CCBE1: variants seen among roughly 807,000 people sequenced by gnomAD.
CCBE1 encodes the protein collagen and calcium-binding EGF domain-containing protein 1.
Under a neutral mutation model 50.0 loss-of-function variants are expected in CCBE1, and 37 were observed. That is an observed-to-expected ratio of 0.74 (90% confidence interval 0.57 to 0.97). CCBE1 has a LOEUF of 0.97. Ranked by LOEUF, CCBE1 falls within the 50% of genes least tolerant of loss-of-function variation. The pLI is 0.00. For synonymous variants in CCBE1, 234 were observed against 203.7 expected, an observed-to-expected ratio of 1.15 and a Z score of -1.27; for missense variants, 538 against 523.8, an observed-to-expected ratio of 1.03 and a Z score of -0.26.
At chr18:59,522,443 G>T (rs774578422) in intron 2 of CCBE1, among the ~76,000 whole-genome samples, 2 of 152,172 alleles carry the variant, frequency 1.3e-5, no homozygotes, top group Non-Finnish European at 2.9e-5. Context: ...GTCAGCTATA[G>T]ACACATTTAA....
chr18:59,499,572 A>G (rs1479704486), intron 2 of CCBE1, among the ~76,000 whole-genome samples: 2 of 152,166 alleles, frequency 1.3e-5, no homozygotes, highest in African/African-American at 4.8e-5. Flanking sequence ...TTGTGTAGGG[A>G]AACTCCCCCT....
At chr18:59,655,708 A>C (rs910497607) in intron 2 of CCBE1, among the ~76,000 whole-genome samples, 1 of 152,232 alleles carries the variant, frequency 6.6e-6, no homozygotes, top group African/African-American at 2.4e-5. Flanking sequence ...CCAAGAAAGA[A>C]GACAATTCCA....
chr18:59,651,232 G>C (rs2054123572), intron 2 of CCBE1, among the ~76,000 whole-genome samples: 1 of 152,142 alleles, frequency 6.6e-6, no homozygotes, highest in Non-Finnish European at 1.5e-5. Flanking sequence ...ACTTACTTAG[G>C]AAGTGTTCCT....
chr18:59,551,865 C>T (rs945137475), intron 2 of CCBE1, among the ~76,000 whole-genome samples: 4 of 152,222 alleles, frequency 2.6e-5, no homozygotes, highest in African/African-American at 4.8e-5. Context: ...TCAGTTTCTT[C>T]GTCTGCAATA....
chr18:59,501,741 A>C (rs1241101404), intron 2 of CCBE1, among the ~76,000 whole-genome samples: 1 of 152,240 alleles, frequency 6.6e-6, no homozygotes, highest in Non-Finnish European at 1.5e-5. Context: ...AGAAATGCTC[A>C]TTTAATGAAA....
chr18:59,511,503 T>C (rs1036338411), intron 2 of CCBE1, among the ~76,000 whole-genome samples: 1 of 152,224 alleles, frequency 6.6e-6, no homozygotes, highest in Non-Finnish European at 1.5e-5. Context: ...AGTTATTTTA[T>C]GGATACACAG....
At chr18:59,563,750 G>A (rs2052777152) in intron 2 of CCBE1, 1 of 152,180 alleles carries the variant, frequency 6.6e-6, no homozygotes, top group South Asian at 2.1e-4. Context: ...GGATTTACAA[G>A]TCAGTAAAAC....
chr18:59,472,235 T>C (rs1424245205), intron 3 of CCBE1, among the ~76,000 whole-genome samples: 1 of 152,254 alleles, frequency 6.6e-6, no homozygotes, highest in Non-Finnish European at 1.5e-5. Context: ...AAGTTTTCAC[T>C]GGCCCAGTAT....
chr18:59,445,392 T>C (rs985397597), intron 7 of CCBE1, among the ~76,000 whole-genome samples: 1 of 152,214 alleles, frequency 6.6e-6, no homozygotes, highest in African/African-American at 2.4e-5. Context: ...TACTAAGTGA[T>C]TGCATTGAAG....
intron 2 of CCBE1, among the ~76,000 whole-genome samples, chr18:59,630,831 G>A (rs1389876611): frequency 6.6e-6 from 1 of 152,178 alleles, no homozygotes; most frequent in Non-Finnish European, 1.5e-5. Flanking sequence ...GGATTCAGGT[G>A]CTCACTGGCC....
At chr18:59,680,725 AC>A (rs2054578400) in intron 2 of CCBE1, among the ~76,000 whole-genome samples, 1 of 152,018 alleles carries the variant, frequency 6.6e-6, no homozygotes, top group East Asian at 1.9e-4. Context: ...ACAAAACAAA[AC>A]AAAACAAAAC....
chr18:59,454,968 G>A lies in CCBE1; in HGVS notation c.554-17C>T, dbSNP rs756485563. The A allele has an allele frequency of 4.4e-6, 7 of 1,602,612 alleles. No homozygotes were observed. Among genetic ancestry groups the A allele is most frequent in the Admixed American group, 1.7e-5 (1 of 60,022 alleles). ...TCTCATGGCCTGAGAAAGGAGATAG[G>A]CTCAGTCCTGTCTGGGAGGCTGGAT... On this transcript the variant is annotated splice_polypyrimidine_tract_variant and intron_variant, in intron 5 of 10. Transcript: ENST00000439986.
intron 2 of CCBE1, among the ~76,000 whole-genome samples, chr18:59,501,347 A>T (rs1399891894): frequency 6.6e-6 from 1 of 152,176 alleles, no homozygotes; most frequent in Admixed American, 6.5e-5. Flanking sequence ...TGGTTCCCAA[A>T]CTGGGAAAGA....
In CCBE1 at chr18:59,431,708, C is replaced by T. The variant is rs939871550; in HGVS notation, c.*4200G>A. 6.6e-6 allele frequency: 1 copy of T among 152,348 alleles called. No individual in the cohort carries two copies. The highest frequency in any genetic ancestry group is 6.5e-5 in the Admixed American group (1 of 15,308). The allele number at this position is 152,348 out of a possible 1,614,324, so 9.4% of individuals were successfully genotyped here. On this transcript the variant is annotated 3_prime_UTR_variant, in exon 11 of 11. Coordinates refer to ENST00000439986, the MANE Select transcript of CCBE1 (RefSeq NM_133459.4). ...GGTGGGGTAATACTCACCTTTCCTT[C>T]CTTCCAAAACCAATGAACATTTATT...
chr18:59,693,508 G>A (rs1416166380), intron 2 of CCBE1, among the ~76,000 whole-genome samples: 1 of 152,138 alleles, frequency 6.6e-6, no homozygotes, highest in Non-Finnish European at 1.5e-5. Context: ...CCACTTTGAA[G>A]AACATGGTTA....
intron 6 of CCBE1, among the ~76,000 whole-genome samples, chr18:59,450,737 G>A (rs1476198434): frequency 3.3e-5 from 5 of 152,210 alleles, no homozygotes; most frequent in Admixed American, 1.3e-4. Context: ...GTTTCACTAT[G>A]TTGGCCAGAC....
intron 2 of CCBE1, among the ~76,000 whole-genome samples, chr18:59,675,087 A>G (rs2054481766): frequency 6.6e-6 from 1 of 152,220 alleles, no homozygotes; most frequent in Non-Finnish European, 1.5e-5. Flanking sequence ...GGATAATACA[A>G]CACCCAAAGT....
intron 2 of CCBE1, among the ~76,000 whole-genome samples, chr18:59,510,085 C>T (rs1297619148): frequency 6.6e-6 from 1 of 152,182 alleles, no homozygotes; most frequent in Non-Finnish European, 1.5e-5. Context: ...GATCCAAATA[C>T]CGCCAACACT....
intron 2 of CCBE1, among the ~76,000 whole-genome samples, chr18:59,497,065 A>G (rs1598952628): frequency 6.6e-6 from 1 of 152,374 alleles, no homozygotes; most frequent in East Asian, 1.9e-4. Flanking sequence ...TAAATGAGAT[A>G]CGTAAAGTAC....
Sources: allele counts gnomAD v4.1 joint callset (sites outside exome capture counted in the v4.1 genomes callset), GRCh38; gene constraint gnomAD v4.1.1; transcripts MANE v1.5; gene names NCBI Gene and HGNC (gene_info 2026-07-23, HGNC 2026-07-21).